SCAF8: variants seen among roughly 807,000 people sequenced by gnomAD.
SCAF8 encodes the protein SR-related and CTD-associated factor 8.
A neutral mutation model predicts 140.5 loss-of-function variants in SCAF8; 23 were observed. That is an observed-to-expected ratio of 0.16 (90% confidence interval 0.12 to 0.23). The LOEUF is 0.23. SCAF8 is among the 10% of genes least tolerant of loss of function. The pLI is 1.00. For synonymous variants in SCAF8, 575 were observed against 528.9 expected (o/e 1.09, Z -1.20); for missense variants, 1,397 against 1,555.7 (o/e 0.90, Z 1.72).
intron 2 of SCAF8, among the ~76,000 whole-genome samples, chr6:154,776,977 T>TA (rs1302673908): frequency 9.9e-5 from 15 of 152,144 alleles, no homozygotes; most frequent in African/African-American, 3.6e-4. Context: ...GGTCAAGAGT[T>TA]AGAGACCAGC....
chr6:154,752,719 A>G (rs1778867749), intron 1 of SCAF8, among the ~76,000 whole-genome samples: 1 of 151,998 alleles, frequency 6.6e-6, no homozygotes, highest in South Asian at 2.1e-4. Context: ...ACTATAATGT[A>G]TTTTGCTTGT....
chr6:154,803,506 C>A, intron 7 of SCAF8, 38 bp from the exon 8 acceptor site: 2 of 1,401,304 alleles, frequency 1.4e-6, no homozygotes, highest in Non-Finnish European at 2.0e-6. Flanking sequence ...TTGTGTGAAG[C>A]ACTTTTTAAT....
intron 6 of SCAF8, among the ~76,000 whole-genome samples, chr6:154,799,770 G>A (rs531362726): frequency 6.6e-6 from 1 of 150,500 alleles, no homozygotes; most frequent in African/African-American, 2.4e-5. Flanking sequence ...GGCCTTCAGT[G>A]ACTGCTATTT....
At chr6:154,808,045 G>T (rs1011321399) in intron 9 of SCAF8, 25 bp from the exon 10 acceptor site, 1 of 1,583,618 alleles carries the variant, frequency 6.3e-7, no homozygotes, top group Non-Finnish European at 8.6e-7. Context: ...CCCAATCTTT[G>T]TGTGTTTGTA....
intron 1 of SCAF8, chr6:154,741,939 C>A: frequency 6.6e-7 from 1 of 1,521,128 alleles, no homozygotes; most frequent in South Asian, 1.2e-5. Flanking sequence ...ACATCTTTCT[C>A]TACTCCTCTC....
chr6:154,733,787 C>G lies in SCAF8; in HGVS notation c.-114C>G. 3 of 1,389,918 alleles carry G rather than the reference C, an allele frequency of 2.2e-6. No individual in the cohort carries two copies. The highest frequency in any genetic ancestry group is 2.8e-6 in the Non-Finnish European group (3 of 1,074,586). 86.1% of individuals were successfully genotyped at this position (1,389,918 alleles called of 1,614,324 possible). A position where few individuals can be genotyped will look rare whatever the true frequency, so the allele number is the denominator to read the frequency against. On this transcript the variant is annotated 5_prime_UTR_variant, in exon 1 of 20. Transcript: ENST00000367178. ...CCCCGAGGTCGCAGCGGCCCGCTCT[C>G]CCGCCAGCGCCCCCTCCTCGCGGCC...
rs757936497 is a variant in SCAF8 at position 154,818,490 on chromosome 6, C to A, written c.1533C>A (p.Pro511=). 6.3e-7 allele frequency: 1 copy of A among 1,587,830 alleles called. No homozygotes were observed. Among genetic ancestry groups the A allele is most frequent in the South Asian group, 1.1e-5 (1 of 87,572 alleles). The part of the protein sequence containing the change: ...GQIESINMIP[P]RGCAYVCMVH... ...ATTTTTTTTATTAGATGATTCCTCC[C>A]CGGGGCTGTGCTTATGTCTGCATGG... The change falls in exon 14 of 20, where the codon CCC becomes CCA. Residue 511 remains proline, a synonymous_variant. Coordinates refer to ENST00000367178, the MANE Select transcript of SCAF8 (RefSeq NM_014892.5).
intron 15 of SCAF8, among the ~76,000 whole-genome samples, chr6:154,821,256 C>T (rs2114675391): frequency 7.0e-6 from 1 of 142,016 alleles, no homozygotes; most frequent in East Asian, 2.0e-4. Flanking sequence ...GTAGCCTGTT[C>T]TGTAAATAAA....
intron 1 of SCAF8, among the ~76,000 whole-genome samples, chr6:154,750,168 T>C (rs1203742178): frequency 1.3e-5 from 2 of 152,098 alleles, no homozygotes; most frequent in African/African-American, 2.4e-5. Context: ...AGAAAGATCC[T>C]CACTGTGGAC....
At chr6:154,744,360 G>A (rs2114796845) in intron 1 of SCAF8, among the ~76,000 whole-genome samples, 1 of 152,144 alleles carries the variant, frequency 6.6e-6, no homozygotes, top group East Asian at 1.9e-4. Flanking sequence ...ACAAGTCTAT[G>A]TACCTACTGT....
chr6:154,760,802 T>A (rs1017934242), intron 1 of SCAF8, among the ~76,000 whole-genome samples: 1 of 152,262 alleles, frequency 6.6e-6, no homozygotes, highest in Non-Finnish European at 1.5e-5. Flanking sequence ...AAAATTTTTT[T>A]AGAGACCGTC....
At chr6:154,761,852 T>C (rs1776411042) in intron 1 of SCAF8, among the ~76,000 whole-genome samples, 1 of 152,218 alleles carries the variant, frequency 6.6e-6, no homozygotes, top group African/African-American at 2.4e-5. Context: ...TTTCTTAATA[T>C]GGAATTTGCT....
At chr6:154,739,483 T>G (rs192249417) in intron 1 of SCAF8, among the ~76,000 whole-genome samples, 13 of 152,344 alleles carry the variant, frequency 8.5e-5, no homozygotes, top group Admixed American at 8.5e-4. Flanking sequence ...TCTATTTCTC[T>G]TGCTGCTCTG....
intron 1 of SCAF8, among the ~76,000 whole-genome samples, chr6:154,747,591 G>A (rs764851003): frequency 2.0e-5 from 3 of 152,150 alleles, no homozygotes; most frequent in Non-Finnish European, 2.9e-5. Flanking sequence ...CAAAGGCTAT[G>A]CTTTGCTGGG....
chr6:154,830,525 A>C (rs1404885289), intron 18 of SCAF8, among the ~76,000 whole-genome samples: 1 of 147,156 alleles, frequency 6.8e-6, no homozygotes, highest in Non-Finnish European at 1.5e-5. Flanking sequence ...TTAGGACCCT[A>C]GTACATTGTA....
intron 5 of SCAF8, among the ~76,000 whole-genome samples, chr6:154,794,780 G>GGGGGGTGTGT (rs1777544977): frequency 8.0e-5 from 1 of 12,530 alleles, no homozygotes; most frequent in Non-Finnish European, 1.3e-4. Context: ...GGGTGTGGGG[G>GGGGGGTGTGT]GTGTGTGTGT....
intron 3 of SCAF8, among the ~76,000 whole-genome samples, chr6:154,783,716 C>T (rs949374941): frequency 2.8e-4 from 43 of 152,048 alleles, no homozygotes; most frequent in African/African-American, 9.9e-4. Flanking sequence ...TTCAAAGAAG[C>T]GAAACATTTA....
At chr6:154,811,752 T>C (rs966549358) in intron 12 of SCAF8, among the ~76,000 whole-genome samples, 3 of 147,552 alleles carry the variant, frequency 2.0e-5, no homozygotes, top group African/African-American at 7.4e-5. Context: ...AGTGTTCTCA[T>C]TGTTCAATTC....
rs1025409695 is a variant in SCAF8 at position 154,810,567 on chromosome 6, A to G, written c.1420+359A>G. ...ACCAGGTCTGTAGGAATAATTATTA[A>G]AGGAAGCATATACTTAGCTATATCT... On this transcript the variant is annotated intron_variant, in intron 12 of 19. Transcript: ENST00000367178. Among the ~76,000 whole-genome samples the G allele has an allele frequency of 2.6e-5, 4 of 152,334 alleles. No individual in the cohort carries two copies. The East Asian group carries it at 7.7e-4, about 29-fold the overall frequency.
Sources: gnomAD v4.1 joint callset for allele counts (sites outside exome capture counted in the v4.1 genomes callset) on GRCh38, gnomAD v4.1.1 for gene constraint, MANE v1.5 for transcripts, NCBI Gene and HGNC (gene_info 2026-07-23, HGNC 2026-07-21) for gene names.